The following ADAMTSL1 variants were observed in gnomAD, a reference collection of about 807,000 sequenced individuals.
The protein encoded by ADAMTSL1 is ADAMTS-like protein 1.
A neutral mutation model predicts 201.8 loss-of-function variants in ADAMTSL1; 126 were observed. The observed-to-expected ratio is 0.62, with a 90% confidence interval of 0.54 to 0.72. The LOEUF is 0.72. Among genes scored for constraint, ADAMTSL1 ranks in the 30% least tolerant of loss-of-function variants. The pLI is 0.00. For missense variants in ADAMTSL1, 2,679 were observed against 2,277.8 expected, an observed-to-expected ratio of 1.18 and a Z score of -3.59; for synonymous variants, 1,121 against 903.4, an observed-to-expected ratio of 1.24 and a Z score of -4.32.
intron 2 of ADAMTSL1, among the ~76,000 whole-genome samples, chr9:18,335,859 T>C (rs986952667): frequency 6.6e-6 from 1 of 152,144 alleles, no homozygotes; most frequent in Non-Finnish European, 1.5e-5. Flanking sequence ...GTTTGCCTAA[T>C]TGAATTTGGG....
intron 24 of ADAMTSL1, among the ~76,000 whole-genome samples, chr9:18,888,299 G>C (rs1457470126): frequency 6.6e-6 from 1 of 152,202 alleles, no homozygotes; most frequent in Non-Finnish European, 1.5e-5. Flanking sequence ...TGCTTTTAAT[G>C]CTGCTGTTGC....
Position 18,889,896 on chromosome 9 carries a change from G to A in ADAMTSL1, c.4643+148G>A. ...CTTCCCTCTAGGCACAGGCTTATCAGGCCTCTCCACCTTGCTGAAAATATC... is the reference window on the plus strand; with the variant it reads ...CTTCCCTCTAGGCACAGGCTTATCAAGCCTCTCCACCTTGCTGAAAATATC... On this transcript the variant is annotated intron_variant, in intron 25 of 28. Coordinates refer to ENST00000380548, the MANE Select transcript of ADAMTSL1 (RefSeq NM_001040272.6). 6.5e-6 allele frequency: 5 copies of A among 763,898 alleles called. No individual in the cohort carries two copies. The South Asian group carries it at 1.1e-4, about 17-fold the overall frequency. 47.3% of individuals were successfully genotyped at this position (763,898 alleles called of 1,614,324 possible).
intron 2 of ADAMTSL1, among the ~76,000 whole-genome samples, chr9:18,365,156 C>T (rs1405242901): frequency 6.6e-6 from 1 of 152,080 alleles, no homozygotes; most frequent in Non-Finnish European, 1.5e-5. Context: ...CATAACCAAC[C>T]TAAATTTCCA....
At chr9:18,053,433 A>AT (rs1822029202) in intron 1 of ADAMTSL1, among the ~76,000 whole-genome samples, 1 of 152,246 alleles carries the variant, frequency 6.6e-6, no homozygotes, top group Non-Finnish European at 1.5e-5. Flanking sequence ...TCTAGAAATT[A>AT]TATGAAAATT....
chr9:18,020,344 G>A (rs1416461752), intron 1 of ADAMTSL1, among the ~76,000 whole-genome samples: 1 of 152,136 alleles, frequency 6.6e-6, no homozygotes, highest in South Asian at 2.1e-4. Flanking sequence ...CCAAACTTAG[G>A]TTGTGAAAAA....
At chr9:18,616,581 A>G (rs1427136467) in intron 4 of ADAMTSL1, among the ~76,000 whole-genome samples, 1 of 152,186 alleles carries the variant, frequency 6.6e-6, no homozygotes, top group Middle Eastern at 3.2e-3. Flanking sequence ...ACATTATTGC[A>G]TACATTTTCT....
At chr9:18,503,276 C>CTAGA (rs1002609036) in intron 1 of ADAMTSL1, among the ~76,000 whole-genome samples, 16 of 151,758 alleles carry the variant, frequency 1.1e-4, no homozygotes, top group Non-Finnish European at 2.1e-4. Context: ...TTTGACTATT[C>CTAGA]TAGATACCTC....
At chr9:18,477,360 T>C (rs1056380804) in intron 1 of ADAMTSL1, among the ~76,000 whole-genome samples, 2 of 152,196 alleles carry the variant, frequency 1.3e-5, no homozygotes, top group African/African-American at 4.8e-5. Context: ...AGTACATGTG[T>C]TTTCCTGTTG....
intron 2 of ADAMTSL1, among the ~76,000 whole-genome samples, chr9:18,260,146 C>T (rs1213058595): frequency 1.3e-5 from 2 of 152,156 alleles, no homozygotes; most frequent in Non-Finnish European, 2.9e-5. Flanking sequence ...TTCAGCTTTC[C>T]AGCTAGCAAT....
chr9:18,647,160 C>G (rs1435488296), intron 7 of ADAMTSL1, among the ~76,000 whole-genome samples: 1 of 152,062 alleles, frequency 6.6e-6, no homozygotes, highest in South Asian at 2.1e-4. Flanking sequence ...TCTAGATTTT[C>G]TAGTTTATTT....
rs533432246 is a variant in ADAMTSL1, at chr9:18,571,516, C to T, written c.238-2514C>T. Among the ~76,000 whole-genome samples, 89 of 152,234 alleles carry T rather than the reference C, an allele frequency of 5.8e-4. 1 individual carries two copies. The Middle Eastern group carries it at 0.01, about 17-fold the overall frequency. ...TCCTGGGATGATAGGTACTATCAAA[C>T]GAAAATACTGTATTTAAACATTGCT... On this transcript the variant is annotated intron_variant, in intron 3 of 28. Transcript: ENST00000380548.
chr9:18,827,949 A>G (rs1454567433), intron 22 of ADAMTSL1, among the ~76,000 whole-genome samples: 4 of 152,234 alleles, frequency 2.6e-5, no homozygotes, highest in Non-Finnish European at 5.9e-5. Flanking sequence ...TGAACATCAA[A>G]GCAATGTCTC....
intron 1 of ADAMTSL1, among the ~76,000 whole-genome samples, chr9:18,106,147 A>T (rs1824753639): frequency 6.6e-6 from 1 of 152,198 alleles, no homozygotes; most frequent in African/African-American, 2.4e-5. Flanking sequence ...CTTGAGGGAA[A>T]GGGGAGTCAC....
At chr9:18,278,637 C>A (rs1331002627) in intron 2 of ADAMTSL1, among the ~76,000 whole-genome samples, 1 of 152,132 alleles carries the variant, frequency 6.6e-6, no homozygotes, top group Non-Finnish European at 1.5e-5. Flanking sequence ...CAGGGAAGAT[C>A]TTTTTATAAT....
intron 1 of ADAMTSL1, among the ~76,000 whole-genome samples, chr9:18,059,025 C>T (rs1822327190): frequency 6.6e-6 from 1 of 152,222 alleles, no homozygotes; most frequent in Admixed American, 6.5e-5. Context: ...TCACATCATG[C>T]TTAGTGTTTG....
At position 18,910,669 on chromosome 9, in the gene ADAMTSL1, C is replaced by G. The variant is rs1440204305; in HGVS notation, c.*2121C>G. On this transcript the variant is annotated 3_prime_UTR_variant, in exon 29 of 29. Transcript: ENST00000380548. ...GATAGTGATTGAAAATCAGTGGTCA[C>G]TATTTACATTTCCTAAAGAGCAAGC... is the stretch of plus-strand genomic sequence containing the variant. 1 of 152,228 alleles carries G rather than the reference C, an allele frequency of 6.6e-6. No individual in the cohort carries two copies. The highest frequency in any genetic ancestry group is 1.5e-5 in the Non-Finnish European group (1 of 68,048). 9.4% of individuals were successfully genotyped at this position (152,228 alleles called of 1,614,324 possible).
intron 1 of ADAMTSL1, among the ~76,000 whole-genome samples, chr9:18,143,330 T>A (rs757231126): frequency 6.6e-6 from 1 of 152,180 alleles, no homozygotes; most frequent in African/African-American, 2.4e-5. Context: ...TTGGTTCTAA[T>A]TGAAGGATTT....
chr9:17,943,477 C>T (rs62550005), intron 1 of ADAMTSL1, among the ~76,000 whole-genome samples: 6,478 of 152,078 alleles, frequency 0.043, 203 homozygotes, highest in Non-Finnish European at 0.069. Context: ...TAATCTTTCC[C>T]GAACCTTGTG....
At chr9:18,569,783 T>C (rs1822178459) in intron 3 of ADAMTSL1, among the ~76,000 whole-genome samples, 1 of 152,250 alleles carries the variant, frequency 6.6e-6, no homozygotes, top group Non-Finnish European at 1.5e-5. Flanking sequence ...CATGTAAGCA[T>C]ATTTAAACCA....
Sources: allele counts gnomAD v4.1 joint callset (sites outside exome capture counted in the v4.1 genomes callset), GRCh38; gene constraint gnomAD v4.1.1; transcripts MANE v1.5; gene names NCBI Gene and HGNC (gene_info 2026-07-23, HGNC 2026-07-21).